Variants in KCNN2 observed in about 807,000 individuals in gnomAD.
The protein encoded by KCNN2 is small conductance calcium-activated potassium channel protein 2.
In KCNN2, 24 loss-of-function variants were observed where a neutral mutation model predicts 55.5. The observed-to-expected ratio is 0.43, with a 90% CI of 0.31 to 0.61. The LOEUF (loss-of-function observed/expected upper bound fraction) is 0.61, where lower values mean the gene tolerates loss of function less well. Among genes scored for constraint, KCNN2 ranks in the 20% least tolerant of loss-of-function variants. The pLI is 0.08. For synonymous variants in KCNN2, 431 were observed against 336.1 expected (o/e 1.28, Z -3.09); for missense variants, 754 against 853.6 (o/e 0.88, Z 1.45).
intron 3 of KCNN2, among the ~76,000 whole-genome samples, chr5:114,450,345 C>T (rs1482828512): frequency 1.3e-5 from 2 of 152,152 alleles, no homozygotes; most frequent in African/African-American, 4.8e-5. Flanking sequence ...TTCCAGTTTC[C>T]TCTTGGAGGA....
chr5:114,393,719 A>G (rs746531521), intron 2 of KCNN2, among the ~76,000 whole-genome samples: 5 of 152,044 alleles, frequency 3.3e-5, no homozygotes, highest in Non-Finnish European at 7.4e-5. Flanking sequence ...ATGCACATAC[A>G]AATACAAATA....
At chr5:114,377,498 T>G (rs1010133820) in intron 2 of KCNN2, among the ~76,000 whole-genome samples, 14 of 152,202 alleles carry the variant, frequency 9.2e-5, no homozygotes, top group Non-Finnish European at 1.9e-4. Context: ...GAGCTGCTGC[T>G]TGAATGAAGG....
intron 2 of KCNN2, among the ~76,000 whole-genome samples, chr5:114,353,139 C>T (rs1162043147): frequency 6.6e-6 from 1 of 151,386 alleles, no homozygotes; most frequent in African/African-American, 2.4e-5. Context: ...ATAAAATTGT[C>T]TTCTTTGTCT....
intron 1 of KCNN2, among the ~76,000 whole-genome samples, chr5:114,113,465 T>C (rs1020171474): frequency 1.3e-5 from 2 of 152,046 alleles, no homozygotes; most frequent in African/African-American, 4.8e-5. Flanking sequence ...CTTAGGTTCA[T>C]TGGCTGGGGC....
At chr5:114,090,014 C>G in intron 1 of KCNN2, among the ~76,000 whole-genome samples, 1 of 152,100 alleles carries the variant, frequency 6.6e-6, no homozygotes, top group Non-Finnish European at 1.5e-5. Context: ...CATAGTTATG[C>G]CTCAAGAAAA....
chr5:114,339,795 C>G (rs1193912639), intron 2 of KCNN2, among the ~76,000 whole-genome samples: 5 of 147,530 alleles, frequency 3.4e-5, no homozygotes, highest in African/African-American at 1.3e-4. Flanking sequence ...AGAGCCAGAC[C>G]TTATCACAAA....
intron 2 of KCNN2, among the ~76,000 whole-genome samples, chr5:114,320,351 C>T (rs768568192): frequency 7.9e-5 from 12 of 152,186 alleles, no homozygotes; most frequent in Non-Finnish European, 1.2e-4. Flanking sequence ...CTGTGCCTCA[C>T]GCCTGTAATC....
chr5:114,234,332 G>A (rs1414964613), intron 2 of KCNN2, among the ~76,000 whole-genome samples: 3 of 152,142 alleles, frequency 2.0e-5, no homozygotes, highest in African/African-American at 7.2e-5. Flanking sequence ...GACTGACCTT[G>A]TGCGATGTGC....
chr5:114,283,448 C>T (rs1755665709), intron 2 of KCNN2, among the ~76,000 whole-genome samples: 1 of 152,082 alleles, frequency 6.6e-6, no homozygotes, highest in Admixed American at 6.6e-5. Flanking sequence ...TTAAATTCAG[C>T]TTATATTTCA....
At chr5:114,125,442 A>C (rs1164576973) in intron 1 of KCNN2, among the ~76,000 whole-genome samples, 3 of 152,190 alleles carry the variant, frequency 2.0e-5, no homozygotes, top group African/African-American at 4.8e-5. Context: ...GAATAAAATG[A>C]ATTTGTAGGG....
intron 2 of KCNN2, among the ~76,000 whole-genome samples, chr5:114,239,678 T>G (rs1280901810): frequency 6.6e-6 from 1 of 152,194 alleles, no homozygotes; most frequent in Non-Finnish European, 1.5e-5. Context: ...CTCACATTCA[T>G]GTTTGAAAAG....
intron 2 of KCNN2, among the ~76,000 whole-genome samples, chr5:114,329,366 G>T (rs1268138128): frequency 6.6e-6 from 1 of 152,194 alleles, no homozygotes; most frequent in African/African-American, 2.4e-5. Flanking sequence ...ATCTGTGTGG[G>T]CATCATCTAA....
At chr5:114,084,026 G>T (rs2416362) in intron 1 of KCNN2, among the ~76,000 whole-genome samples, 1 of 151,884 alleles carries the variant, frequency 6.6e-6, no homozygotes, top group Non-Finnish European at 1.5e-5. Context: ...TATTTTTATT[G>T]TTGTGTGAAA....
At chr5:114,154,679 A>G (rs946556964) in intron 1 of KCNN2, among the ~76,000 whole-genome samples, 5 of 152,300 alleles carry the variant, frequency 3.3e-5, no homozygotes, top group Admixed American at 2.0e-4. Flanking sequence ...TTGTTAAACA[A>G]GATGTTTCTG....
rs1406367692 is a variant in KCNN2 at position 114,097,342 on chromosome 5, A to G, written c.-271+40842A>G. On this transcript the variant is annotated intron_variant, in intron 1 of 10. Coordinates refer to the KCNN2 transcript ENST00000512097. ...TCTGCAAGTTAGTTCCAGCATTTAA[A>G]AGGATAAAGACTGTTGTAATACCTG... Among the ~76,000 whole-genome samples the G allele has an allele frequency of 2.0e-5, 3 of 152,166 alleles. No individual in the cohort carries two copies. In the East Asian group the frequency reaches 5.8e-4, roughly 29 times the overall value.
intron 1 of KCNN2, among the ~76,000 whole-genome samples, chr5:114,157,131 A>G (rs1424496618): frequency 2.0e-5 from 3 of 148,356 alleles, no homozygotes; most frequent in East Asian, 2.0e-4. Flanking sequence ...CATTAGGTAT[A>G]TCTCCTAATG....
chr5:114,224,344 T>C (rs1244449026), intron 2 of KCNN2, among the ~76,000 whole-genome samples: 1 of 152,212 alleles, frequency 6.6e-6, no homozygotes, highest in Non-Finnish European at 1.5e-5. Flanking sequence ...AAAGTAACCA[T>C]TTTTTAGAAA....
chr5:114,284,036 C>T (rs76554091), intron 2 of KCNN2, among the ~76,000 whole-genome samples: 7,265 of 152,274 alleles, frequency 0.048, 259 homozygotes, highest in Middle Eastern at 0.13. Context: ...TCTTCAGGTT[C>T]TCTGTTTCTG....
At chr5:114,205,255 G>A (rs1256380858) in intron 1 of KCNN2, among the ~76,000 whole-genome samples, 1 of 152,186 alleles carries the variant, frequency 6.6e-6, no homozygotes, top group Non-Finnish European at 1.5e-5. Flanking sequence ...ACGCATTTGT[G>A]AATAGTCTGG....
Sources: allele counts gnomAD v4.1 joint callset (sites outside exome capture counted in the v4.1 genomes callset), GRCh38; gene constraint gnomAD v4.1.1; transcripts MANE v1.5; gene names NCBI Gene and HGNC (gene_info 2026-07-23, HGNC 2026-07-21).